RNF169: variants seen among roughly 807,000 people sequenced by gnomAD.
RNF169 encodes ring finger protein 169.
Under a neutral mutation model 53.9 loss-of-function variants are expected in RNF169, and 24 were observed. The observed-to-expected ratio is 0.45, with a 90% CI of 0.32 to 0.63. RNF169 has a LOEUF of 0.63. Among genes scored for constraint, RNF169 ranks in the 20% least tolerant of loss-of-function variants. RNF169 has a pLI of 0.04. For missense variants in RNF169, 883 were observed against 906.2 expected (o/e 0.97, Z 0.33); for synonymous variants, 396 against 363.5 (o/e 1.09, Z -1.02).
chr11:74,786,280 T>C (rs1486769704), intron 1 of RNF169, among the ~76,000 whole-genome samples: 1 of 149,870 alleles, frequency 6.7e-6, no homozygotes, highest in Non-Finnish European at 1.5e-5. Flanking sequence ...GAAGTCTTGC[T>C]CTGTTGCCTA....
chr11:74,812,286 GT>G (rs904348216), intron 3 of RNF169, among the ~76,000 whole-genome samples: 3 of 151,054 alleles, frequency 2.0e-5, no homozygotes, highest in African/African-American at 7.3e-5. Context: ...TTCTTATATA[GT>G]TTTTTTTTGT....
At chr11:74,827,712 A>C (rs2036119417) in intron 4 of RNF169, among the ~76,000 whole-genome samples, 2 of 152,224 alleles carry the variant, frequency 1.3e-5, no homozygotes, top group Non-Finnish European at 2.9e-5. Flanking sequence ...TCACATAAAC[A>C]GAACTAAAGA....
chr11:74,787,841 G>A (rs1043211895), intron 1 of RNF169, among the ~76,000 whole-genome samples: 3 of 152,096 alleles, frequency 2.0e-5, no homozygotes, highest in African/African-American at 4.8e-5. Context: ...TGATATATAT[G>A]CAAGATATTC....
intron 4 of RNF169, among the ~76,000 whole-genome samples, chr11:74,818,452 G>A (rs1009960650): frequency 6.6e-6 from 1 of 151,730 alleles, no homozygotes; most frequent in Non-Finnish European, 1.5e-5. Flanking sequence ...GAGTATAATT[G>A]GGCAATCATG....
intron 2 of RNF169, among the ~76,000 whole-genome samples, chr11:74,800,591 A>G (rs534531965): frequency 5.3e-5 from 8 of 152,350 alleles, no homozygotes; most frequent in East Asian, 1.9e-4. Context: ...TAAACTGTAT[A>G]TAAGTATTAT....
At chr11:74,788,629 A>C (rs1439984617) in intron 1 of RNF169, among the ~76,000 whole-genome samples, 1 of 152,130 alleles carries the variant, frequency 6.6e-6, no homozygotes, top group African/African-American at 2.4e-5. Context: ...TCCTGGCCTC[A>C]AGTGATCTGC....
At chr11:74,833,735 C>G (rs505067) in intron 4 of RNF169, among the ~76,000 whole-genome samples, 2,171 of 152,118 alleles carry the variant, frequency 0.014, 22 homozygotes, top group Middle Eastern at 0.037. Context: ...TATATTTAGG[C>G]AAGAGTTGAG....
At chr11:74,768,320 T>C (rs2035205823) in intron 1 of RNF169, among the ~76,000 whole-genome samples, 1 of 152,202 alleles carries the variant, frequency 6.6e-6, no homozygotes, top group African/African-American at 2.4e-5. Context: ...AAAAATTATT[T>C]GTAGAGCCAG....
chr11:74,838,619 G>C lies in RNF169; in HGVS notation c.*1889G>C, dbSNP rs1466166335. ...TGAATGTATGCATTCTGTGTTCTCT[G>C]TGTGTGTGCACATATGCAGATGTAT... On this transcript the variant is annotated 3_prime_UTR_variant, in exon 6 of 6. Coordinates refer to ENST00000299563, the MANE Select transcript of RNF169 (RefSeq NM_001098638.2). 4 of 152,224 alleles carry C rather than the reference G, an allele frequency of 2.6e-5. No individual in the cohort carries two copies. Among genetic ancestry groups the C allele is most frequent in the Non-Finnish European group, 5.9e-5 (4 of 68,040 alleles). The allele number at this position is 152,224 out of a possible 1,614,324, so 9.4% of individuals were successfully genotyped here.
chr11:74,770,165 A>C (rs563369256), intron 1 of RNF169, among the ~76,000 whole-genome samples: 1 of 152,352 alleles, frequency 6.6e-6, no homozygotes, highest in Admixed American at 6.5e-5. Flanking sequence ...GTACAATTGT[A>C]AGAACCAAGA....
intron 2 of RNF169, among the ~76,000 whole-genome samples, chr11:74,794,819 G>C (rs1236805481): frequency 1.3e-5 from 2 of 152,164 alleles, no homozygotes; most frequent in Non-Finnish European, 2.9e-5. Flanking sequence ...TGTTTGAAGA[G>C]AGATATTCTC....
intron 2 of RNF169, among the ~76,000 whole-genome samples, chr11:74,807,257 G>T (rs1288838224): frequency 6.6e-6 from 1 of 152,086 alleles, no homozygotes; most frequent in Non-Finnish European, 1.5e-5. Flanking sequence ...CACTCCATGG[G>T]GCACACTTTG....
chr11:74,823,855 T>G (rs140625524), intron 4 of RNF169, among the ~76,000 whole-genome samples: 2 of 151,484 alleles, frequency 1.3e-5, no homozygotes, highest in Non-Finnish European at 2.9e-5. Flanking sequence ...TGGCCACATA[T>G]GACAAAAAAT....
chr11:74,831,560 A>G (rs909472944), intron 4 of RNF169: 1 of 152,214 alleles, frequency 6.6e-6, no homozygotes, highest in Non-Finnish European at 1.5e-5. Flanking sequence ...TAAGATGGCA[A>G]TACTCTTGAA....
Position 74,764,519 on chromosome 11 carries a change from A to G in RNF169, c.502+15137A>G, listed in dbSNP as rs537387123. Among the ~76,000 whole-genome samples, 6 of 152,346 alleles carry G rather than the reference A, an allele frequency of 3.9e-5. No homozygotes were observed. In the South Asian group the frequency reaches 1.2e-3, roughly 32 times the overall value. ...CAACCATGAGCAAAACTCCATCTCA[A>G]AAGAAGAAAAAAGTAAGGGCAAAAA... On this transcript the variant is annotated intron_variant, in intron 1 of 5. Transcript: ENST00000299563.
chr11:74,773,955 A>T (rs373664257), intron 1 of RNF169, among the ~76,000 whole-genome samples: 1 of 152,202 alleles, frequency 6.6e-6, no homozygotes, highest in African/African-American at 2.4e-5. Flanking sequence ...GTACCCCCTC[A>T]TGGAGCACAT....
intron 2 of RNF169, among the ~76,000 whole-genome samples, chr11:74,803,827 T>C (rs1319562207): frequency 6.6e-6 from 1 of 152,226 alleles, no homozygotes; most frequent in Non-Finnish European, 1.5e-5. Context: ...ATATTAATAA[T>C]TTTTCATGAG....
chr11:74,804,653 T>C (rs1018757954), intron 2 of RNF169, among the ~76,000 whole-genome samples: 1 of 152,222 alleles, frequency 6.6e-6, no homozygotes, highest in African/African-American at 2.4e-5. Flanking sequence ...AGTAGTTGGG[T>C]CTTTATTTAG....
At chr11:74,792,804 G>A (rs1169905310) in intron 2 of RNF169, among the ~76,000 whole-genome samples, 3 of 152,122 alleles carry the variant, frequency 2.0e-5, no homozygotes, top group Admixed American at 1.3e-4. Context: ...TTTTAAAAGG[G>A]GCTGATGCCA....
Sources: gnomAD v4.1 joint callset for allele counts (sites outside exome capture counted in the v4.1 genomes callset) on GRCh38, gnomAD v4.1.1 for gene constraint, MANE v1.5 for transcripts, NCBI Gene and HGNC (gene_info 2026-07-23, HGNC 2026-07-21) for gene names.